FBXO15: variants seen among roughly 807,000 people sequenced by gnomAD.
FBXO15 encodes F-box protein 15.
In FBXO15, 30 loss-of-function variants were observed where a neutral mutation model predicts 49.5. The ratio of observed to expected loss-of-function variants is 0.61; its 90% CI spans 0.45 to 0.82. The LOEUF (loss-of-function observed/expected upper bound fraction) is 0.82. FBXO15 is among the 40% of genes least tolerant of loss of function. FBXO15 has a pLI of 0.00. For missense variants in FBXO15, 591 were observed against 631.5 expected, an observed-to-expected ratio of 0.94 and a Z score of 0.69; for synonymous variants, 250 against 232.7, an observed-to-expected ratio of 1.07 and a Z score of -0.68.
At position 74,129,588 on chromosome 18, in the gene FBXO15, A is replaced by G. The variant is rs749069347; in HGVS notation, c.602T>C (p.Ile201Thr). 2.5e-6 allele frequency: 4 copies of G among 1,612,250 alleles called. No homozygotes were observed. Among genetic ancestry groups the G allele is most frequent in the Non-Finnish European group, 1.7e-6 (2 of 1,179,810 alleles). ...TTCTTTTCCACCTTTTTCTTTCAGT[A>G]TAATTGCCCAACCTAAACCAAATAT... The part of the protein sequence containing the change: ...LRIFGLGWAI[I>T]LKEKGGKEYI... Residue 201 changes from isoleucine to threonine, a missense_variant, in exon 5 of 10, where the codon ATA becomes ACA. Coordinates refer to ENST00000419743, the MANE Select transcript of FBXO15 (RefSeq NM_001142958.2).
At chr18:74,077,742 A>T (rs944860501) in intron 9 of FBXO15, among the ~76,000 whole-genome samples, 1 of 152,206 alleles carries the variant, frequency 6.6e-6, no homozygotes, top group African/African-American at 2.4e-5. Flanking sequence ...TGTCTTTGGC[A>T]GGCAGCCGGA....
chr18:74,128,887 A>G (rs1978305364), intron 5 of FBXO15, among the ~76,000 whole-genome samples: 1 of 152,244 alleles, frequency 6.6e-6, no homozygotes. Flanking sequence ...CATTGCAGTC[A>G]TATATGCTAA....
chr18:74,081,318 G>T (rs539706251), intron 9 of FBXO15, among the ~76,000 whole-genome samples: 2 of 152,276 alleles, frequency 1.3e-5, no homozygotes, highest in African/African-American at 4.8e-5. Context: ...ATAAAATAAA[G>T]TTGGAGAGTG....
At chr18:74,084,265 T>C (rs1912628712) in intron 8 of FBXO15, among the ~76,000 whole-genome samples, 1 of 152,244 alleles carries the variant, frequency 6.6e-6, no homozygotes, top group South Asian at 2.1e-4. Context: ...GCTCAGCCTA[T>C]GAGTCCCACA....
At chr18:74,088,785 T>C (rs371450228) in intron 8 of FBXO15, among the ~76,000 whole-genome samples, 1 of 152,248 alleles carries the variant, frequency 6.6e-6, no homozygotes, top group East Asian at 1.9e-4. Flanking sequence ...ATCTATAAAT[T>C]ACTTTAGGCA....
intron 8 of FBXO15, chr18:74,099,523 G>A (rs562275039): frequency 1.3e-5 from 2 of 151,856 alleles, no homozygotes; most frequent in Non-Finnish European, 2.9e-5. Flanking sequence ...ATTAAAAAAA[G>A]GTATACAGGC....
chr18:74,084,634 G>A (rs1912660747), intron 8 of FBXO15, among the ~76,000 whole-genome samples: 1 of 152,110 alleles, frequency 6.6e-6, no homozygotes, highest in African/African-American at 2.4e-5. Flanking sequence ...TGTTCTTGGA[G>A]ACTCTAATCT....
intron 4 of FBXO15, among the ~76,000 whole-genome samples, chr18:74,130,096 G>A (rs1978320082): frequency 6.6e-6 from 1 of 152,122 alleles, no homozygotes. Flanking sequence ...ATCATCTTGA[G>A]ATTACTTATA....
At chr18:74,132,442 G>A (rs1426447521) in intron 3 of FBXO15, among the ~76,000 whole-genome samples, 1 of 152,170 alleles carries the variant, frequency 6.6e-6, no homozygotes, top group East Asian at 1.9e-4. Context: ...CCGCAGAGAT[G>A]GGAATCACAG....
chr18:74,127,741 T>C (rs1281512386), intron 5 of FBXO15, among the ~76,000 whole-genome samples: 1 of 152,246 alleles, frequency 6.6e-6, no homozygotes, highest in East Asian at 1.9e-4. Context: ...AAATGAATTT[T>C]CCCAATGAAT....
At chr18:74,097,503 T>G (rs972241436) in intron 8 of FBXO15, 1 of 152,262 alleles carries the variant, frequency 6.6e-6, no homozygotes, top group Non-Finnish European at 1.5e-5. Context: ...CCCGCTTCCC[T>G]GACAACCTGC....
At chr18:74,094,199 T>C (rs1302873658) in intron 8 of FBXO15, among the ~76,000 whole-genome samples, 4 of 152,214 alleles carry the variant, frequency 2.6e-5, no homozygotes, top group Non-Finnish European at 5.9e-5. Context: ...AAATGTAATC[T>C]CCAGTGTTGG....
chr18:74,096,007 TC>T (rs1913255494), intron 8 of FBXO15, among the ~76,000 whole-genome samples: 1 of 151,868 alleles, frequency 6.6e-6, no homozygotes. Context: ...GTGACACCCC[TC>T]CCCCGATTCT....
intron 8 of FBXO15, among the ~76,000 whole-genome samples, chr18:74,096,847 T>C (rs923946536): frequency 6.6e-6 from 1 of 152,052 alleles, no homozygotes; most frequent in Non-Finnish European, 1.5e-5. Context: ...ACACAGACCC[T>C]CTGAAAGAAG....
intron 8 of FBXO15, chr18:74,099,289 C>T (rs1471003512): frequency 1.3e-5 from 2 of 152,086 alleles, no homozygotes; most frequent in East Asian, 3.9e-4. Flanking sequence ...TTAAACAAAA[C>T]AACTATCAGC....
chr18:74,140,140 C>A, intron 2 of FBXO15, 62 bp downstream of exon 2: 1 of 1,395,174 alleles, frequency 7.2e-7, no homozygotes. Flanking sequence ...AGCATCATAA[C>A]TTTCTCTAAT....
intron 2 of FBXO15, among the ~76,000 whole-genome samples, chr18:74,138,637 A>C (rs1232246674): frequency 6.6e-6 from 1 of 151,896 alleles, no homozygotes; most frequent in African/African-American, 2.4e-5. Context: ...CCAGACTGAC[A>C]CATCCATCAT....
At chr18:74,121,756 A>C (rs1914480194) in intron 8 of FBXO15, among the ~76,000 whole-genome samples, 2 of 152,234 alleles carry the variant, frequency 1.3e-5, no homozygotes, top group African/African-American at 4.8e-5. Context: ...GTCCAAAGTG[A>C]CATTAAACAA....
At chr18:74,120,790 C>T (rs984708565) in intron 8 of FBXO15, among the ~76,000 whole-genome samples, 9 of 151,014 alleles carry the variant, frequency 6.0e-5, no homozygotes, top group Non-Finnish European at 1.3e-4. Flanking sequence ...ACAACATAAG[C>T]AGAAAAAAAG....
Sources: gnomAD v4.1 joint callset for allele counts (sites outside exome capture counted in the v4.1 genomes callset) on GRCh38, gnomAD v4.1.1 for gene constraint, MANE v1.5 for transcripts, NCBI Gene and HGNC (gene_info 2026-07-23, HGNC 2026-07-21) for gene names.